Variants in PACRG observed in about 807,000 individuals in gnomAD.
PACRG encodes parkin coregulated gene protein.
A neutral mutation model predicts 29.7 loss-of-function variants in PACRG; 29 were observed. The observed-to-expected ratio is 0.98, with a 90% CI of 0.73 to 1.33. PACRG has a LOEUF of 1.33. Ranked by LOEUF, PACRG falls within the 40% of genes most tolerant of loss-of-function variation. PACRG has a pLI of 0.00. For missense variants in PACRG, 279 were observed against 316.2 expected, an observed-to-expected ratio of 0.88 and a Z score of 0.89; for synonymous variants, 116 against 118.7, an observed-to-expected ratio of 0.98 and a Z score of 0.15.
At chr6:162,841,922 A>C (rs1490815773) in intron 2 of PACRG, among the ~76,000 whole-genome samples, 1 of 151,326 alleles carries the variant, frequency 6.6e-6, no homozygotes, top group East Asian at 2.0e-4. Context: ...GAGATTCTTA[A>C]TTCTGAGTTC....
At chr6:163,188,922 T>C (rs1780077249) in intron 4 of PACRG, among the ~76,000 whole-genome samples, 1 of 152,246 alleles carries the variant, frequency 6.6e-6, no homozygotes, top group Admixed American at 6.5e-5. Flanking sequence ...ATTAGGAATG[T>C]ACGCTAGAAC....
Position 162,814,142 on chromosome 6 carries a change from T to G in PACRG, c.157-5T>G, listed in dbSNP as rs544983734. ...CTGATCCCTATTTTTTTTTTTCCAATTAAGGTGAGAGGCCCTCCAGCTGCA... is the reference window on the plus strand; with the variant it reads ...CTGATCCCTATTTTTTTTTTTCCAAGTAAGGTGAGAGGCCCTCCAGCTGCA... On this transcript the variant is annotated splice_region_variant and splice_polypyrimidine_tract_variant and intron_variant, in intron 1 of 4. Transcript: ENST00000366888. The G allele has an allele frequency of 1.2e-6, 2 of 1,602,152 alleles. No individual in the cohort carries two copies. Among genetic ancestry groups the G allele is most frequent in the Admixed American group, 1.7e-5 (1 of 58,194 alleles).
At chr6:163,023,622 T>C (rs1242350055) in intron 2 of PACRG, among the ~76,000 whole-genome samples, 1 of 152,224 alleles carries the variant, frequency 6.6e-6, no homozygotes, top group African/African-American at 2.4e-5. Context: ...AAATGATCGC[T>C]CTGCTTTAAG....
intron 4 of PACRG, among the ~76,000 whole-genome samples, chr6:163,181,397 G>A (rs959504725): frequency 9.2e-5 from 14 of 152,108 alleles, no homozygotes; most frequent in African/African-American, 2.9e-4. Context: ...GTGAAAAGCA[G>A]TGCCGGGGCT....
At chr6:163,083,321 CTGTT>C (rs1410024731) in intron 3 of PACRG, among the ~76,000 whole-genome samples, 2 of 152,160 alleles carry the variant, frequency 1.3e-5, no homozygotes, top group African/African-American at 2.4e-5. Context: ...AGAATGTTAA[CTGTT>C]TGTGTATCAC....
At position 162,740,185 on chromosome 6, in the gene PACRG, C is replaced by T. The variant is rs142398257; in HGVS notation, c.156+11794C>T. 9.2e-5 allele frequency among the ~76,000 whole-genome samples: 14 copies of T among 152,226 alleles called. No individual in the cohort carries two copies. In the South Asian group the frequency reaches 1.9e-3, roughly 20 times the overall value. On this transcript the variant is annotated intron_variant, in intron 1 of 4. Coordinates refer to ENST00000366888, the MANE Select transcript of PACRG (RefSeq NM_001080379.2). The stretch of plus-strand genomic sequence containing the variant: ...TGAGTTCCCCCAATTTGTTTATATC[C>T]TAGTTGACGTCGTTGCTTTCTTACT...
chr6:163,095,924 G>A (rs1814540343), intron 4 of PACRG, among the ~76,000 whole-genome samples: 1 of 152,132 alleles, frequency 6.6e-6, no homozygotes, highest in Non-Finnish European at 1.5e-5. Context: ...TACAGCCTGT[G>A]GGGAGAAAAT....
At chr6:162,949,787 A>T (rs924060693) in intron 2 of PACRG, among the ~76,000 whole-genome samples, 3 of 152,062 alleles carry the variant, frequency 2.0e-5, no homozygotes, top group Non-Finnish European at 4.4e-5. Context: ...AATTTCTCTT[A>T]CTCCTAGGGC....
At chr6:163,030,961 A>G (rs1436704604) in intron 2 of PACRG, among the ~76,000 whole-genome samples, 1 of 152,170 alleles carries the variant, frequency 6.6e-6, no homozygotes, top group African/African-American at 2.4e-5. Flanking sequence ...GTGACTTAGA[A>G]TGCCTGAACC....
intron 4 of PACRG, chr6:163,312,849 C>G (rs960065677): frequency 2.4e-6 from 1 of 411,012 alleles, no homozygotes; most frequent in African/African-American, 2.1e-5. Context: ...ACCACCTGGG[C>G]TCAAGTGATC....
chr6:163,156,468 T>C (rs937532999), intron 4 of PACRG, among the ~76,000 whole-genome samples: 1 of 152,086 alleles, frequency 6.6e-6, no homozygotes, highest in Non-Finnish European at 1.5e-5. Context: ...GCGGTCTCCC[T>C]ACGACCGCCA....
intron 2 of PACRG, among the ~76,000 whole-genome samples, chr6:163,050,941 T>C (rs947894237): frequency 1.3e-5 from 2 of 152,192 alleles, no homozygotes; most frequent in African/African-American, 4.8e-5. Flanking sequence ...ATATTGCCTT[T>C]CCCCATGATC....
At chr6:162,768,436 C>T (rs555163399) in intron 1 of PACRG, among the ~76,000 whole-genome samples, 2 of 151,958 alleles carry the variant, frequency 1.3e-5, no homozygotes, top group Admixed American at 1.3e-4. Context: ...GCATTGATTT[C>T]ACTTATTGTG....
chr6:162,791,693 A>G (rs1285707621), intron 1 of PACRG, among the ~76,000 whole-genome samples: 5 of 152,134 alleles, frequency 3.3e-5, no homozygotes. Context: ...TATCTAGATT[A>G]TTTAAAATAT....
chr6:162,952,237 T>TAA (rs1472141107), intron 2 of PACRG, among the ~76,000 whole-genome samples: 1 of 152,196 alleles, frequency 6.6e-6, no homozygotes, highest in Non-Finnish European at 1.5e-5. Context: ...AATGGAACTT[T>TAA]AAAAACATTA....
intron 2 of PACRG, among the ~76,000 whole-genome samples, chr6:162,956,405 G>A (rs879754188): frequency 2.6e-5 from 4 of 152,052 alleles, no homozygotes; most frequent in East Asian, 3.9e-4. Context: ...GCTTTGCCCC[G>A]CTTTACCTGG....
At chr6:163,223,738 G>A (rs768829508) in intron 4 of PACRG, among the ~76,000 whole-genome samples, 5 of 152,214 alleles carry the variant, frequency 3.3e-5, no homozygotes, top group Non-Finnish European at 5.9e-5. Context: ...GTGGGCTTTC[G>A]ACTGGCTGAG....
chr6:163,175,634 G>A (rs1779309680), intron 4 of PACRG, among the ~76,000 whole-genome samples: 1 of 152,036 alleles, frequency 6.6e-6, no homozygotes, highest in Non-Finnish European at 1.5e-5. Flanking sequence ...GGGACGGAAT[G>A]TCGGGAGCAG....
At chr6:162,984,412 C>T (rs1287844874) in intron 2 of PACRG, among the ~76,000 whole-genome samples, 1 of 151,998 alleles carries the variant, frequency 6.6e-6, no homozygotes, top group Non-Finnish European at 1.5e-5. Flanking sequence ...TCTTTATCAA[C>T]CCCTTGATTT....
Sources: allele counts gnomAD v4.1 joint callset (sites outside exome capture counted in the v4.1 genomes callset), GRCh38; gene constraint gnomAD v4.1.1; transcripts MANE v1.5; gene names NCBI Gene and HGNC (gene_info 2026-07-23, HGNC 2026-07-21).